GRIN3B: variants seen among roughly 807,000 people sequenced by gnomAD.
The protein encoded by GRIN3B is glutamate ionotropic receptor NMDA type subunit 3B, also known as glutamate receptor ionotropic, NMDA 3B.
In GRIN3B, 77 loss-of-function variants were observed where a neutral mutation model predicts 66.0. The ratio of observed to expected loss-of-function variants is 1.17; its 90% CI spans 0.97 to 1.41. The LOEUF (loss-of-function observed/expected upper bound fraction) is 1.41, where lower values mean the gene tolerates loss of function less well. Ranked by LOEUF, GRIN3B falls within the 40% of genes most tolerant of loss-of-function variation. GRIN3B has a pLI of 0.00. For missense variants in GRIN3B, 1,787 were observed against 1,564.5 expected, an observed-to-expected ratio of 1.14 and a Z score of -2.40; for synonymous variants, 823 against 749.7, an observed-to-expected ratio of 1.10 and a Z score of -1.60.
chr19:1,008,623 G>A lies in GRIN3B; in HGVS notation c.2472G>A (p.Leu824=). The change falls in exon 7 of 9, where the codon CTG becomes CTA. Residue 824 remains leucine, a synonymous_variant. Transcript: ENST00000234389. ...GKRVFAVTET[L]QMSIYHFAGL... ...TCCTGCTGTGTTGCCCCCAGACCCT[G>A]CAGATGAGCATCTACCACTTCGCGG... 1.9e-6 allele frequency: 3 copies of A among 1,598,282 alleles called. No individual in the cohort carries two copies. The highest frequency in any genetic ancestry group is 2.5e-6 in the Non-Finnish European group (3 of 1,178,304).
chr19:1,007,927 C>T lies in GRIN3B; in HGVS notation c.2270C>T (p.Ala757Val). The T allele has an allele frequency of 6.2e-7, 1 of 1,612,102 alleles. No homozygotes were observed. The highest frequency in any genetic ancestry group is 2.2e-5 in the East Asian group (1 of 44,860). ...SLLDYEVSID[A>V]DCKLLTVGKP... ...CTGGACTACGAGGTCTCCATCGACGCCGACTGCAAACTGCTGACCGTGGGA... is the reference window on the plus strand; with the variant it reads ...CTGGACTACGAGGTCTCCATCGACGTCGACTGCAAACTGCTGACCGTGGGA... The change falls in exon 5 of 9, where the codon GCC becomes GTC. Residue 757 changes from alanine (A) to valine (V), a missense_variant. Coordinates refer to ENST00000234389, the MANE Select transcript of GRIN3B (RefSeq NM_138690.3). The surrounding 1 kb of genome is among the most constrained non-coding windows in gnomAD (Gnocchi z 4.4).
rs2038741499 is a variant in GRIN3B, at chr19:1,005,665, ACT to A, written c.2052+115_2052+116del. 1 of 770,078 alleles carries A rather than the reference ACT, an allele frequency of 1.3e-6. No homozygotes were observed. Among genetic ancestry groups the A allele is most frequent in the South Asian group, 1.9e-5 (1 of 52,978 alleles). The allele number at this position is 770,078 out of a possible 1,614,324, so 47.7% of individuals were successfully genotyped here. A position where few individuals can be genotyped will look rare whatever the true frequency, so the allele number is the denominator to read the frequency against. On this transcript the variant is annotated intron_variant, in intron 3 of 8. Coordinates refer to ENST00000234389, the MANE Select transcript of GRIN3B (RefSeq NM_138690.3). This position sits in a 1 kb window ranked among gnomAD's most constrained non-coding sequence, Gnocchi z 5.2. ...GACGTGGAGGACGTCCACTAGGCCA[ACT>A]CTGGTCCCAAGAGACATTTATTCAA...
rs145692590 is a variant in GRIN3B at position 1,008,269 on chromosome 19, A to G, written c.2444A>G (p.Lys815Arg). 9.6e-6 allele frequency: 13 copies of G among 1,352,824 alleles called. No homozygotes were observed. In the African/African-American group the frequency reaches 2.1e-4, roughly 21 times the overall value. 83.8% of individuals were successfully genotyped at this position (1,352,824 alleles called of 1,614,324 possible). The change falls in exon 6 of 9, where the codon AAG becomes AGG. Residue 815 changes from lysine to arginine, a missense_variant. Lys to Arg is a conservative substitution (Grantham distance 26). Transcript: ENST00000234389. ...TGGTACAAGATGGTGCCTTGCGGCA[A>G]GCGGGTCTTTGCGGTTACAGAGGTG... Reference protein sequence around the residue: ...DKWYKMVPCGKRVFAVTETLQ... With the variant: ...DKWYKMVPCGRRVFAVTETLQ...
At chr19:1,008,963 C>T (rs1168136474) in intron 8 of GRIN3B, 36 bp downstream of exon 8, 7 of 1,564,992 alleles carry the variant, frequency 4.5e-6, no homozygotes, top group African/African-American at 1.4e-5. Flanking sequence ...GATGCAGGAC[C>T]ACCCAGACCC....
Position 1,000,883 on chromosome 19 carries a change from TC to T in GRIN3B, c.426+21del. 7.3e-7 allele frequency: 1 copy of T among 1,370,444 alleles called. No homozygotes were observed. The highest frequency in any genetic ancestry group is 1.6e-5 in the South Asian group (1 of 62,090). 84.9% of individuals were successfully genotyped at this position (1,370,444 alleles called of 1,614,324 possible). Reference sequence around the variant, plus strand: ...GCCCCGGTACGCGGGACGCCCGGAGTCAGGACGAGGGGGACCCGGGGCGGGA... The same window carrying T: ...GCCCCGGTACGCGGGACGCCCGGAGTAGGACGAGGGGGACCCGGGGCGGGA... On this transcript the variant is annotated intron_variant, in intron 1 of 8. Coordinates refer to ENST00000234389, the MANE Select transcript of GRIN3B (RefSeq NM_138690.3).
chr19:1,002,477 A>T (rs2038694171), intron 1 of GRIN3B, among the ~76,000 whole-genome samples: 1 of 151,962 alleles, frequency 6.6e-6, no homozygotes, highest in Non-Finnish European at 1.5e-5. Context: ...AAAAAAAAAA[A>T]AAAAAAATCC....
chr19:1,003,191 T>C lies in GRIN3B; in HGVS notation c.488T>C (p.Val163Ala), dbSNP rs2038700871. ...CTGGAGACGCTGCTGGATGTGCTGG[T>C]GGCGGTGCTGCAGGCGCACGCCTGG... ...SPLETLLDVLVAVLQAHAWED... is the reference protein window; with the variant it reads ...SPLETLLDVLAAVLQAHAWED... The change falls in exon 2 of 9, where the codon GTG becomes GCG. Residue 163 changes from valine (V) to alanine (A), a missense_variant. Coordinates refer to ENST00000234389, the MANE Select transcript of GRIN3B (RefSeq NM_138690.3). The C allele has an allele frequency of 1.3e-6, 2 of 1,523,446 alleles. No individual in the cohort carries two copies. Among genetic ancestry groups the C allele is most frequent in the Non-Finnish European group, 1.8e-6 (2 of 1,137,886 alleles). 94.4% of individuals were successfully genotyped at this position (1,523,446 alleles called of 1,614,324 possible).
At position 1,003,737 on chromosome 19, in the gene GRIN3B, T is replaced by G. The variant is rs1425840668; in HGVS notation, c.1019+15T>G. 3 of 1,394,700 alleles carry G rather than the reference T, an allele frequency of 2.2e-6. No homozygotes were observed. Among genetic ancestry groups the G allele is most frequent in the African/African-American group, 3.1e-5 (2 of 65,278 alleles). The allele number at this position is 1,394,700 out of a possible 1,614,324, so 86.4% of individuals were successfully genotyped here. A position where few individuals can be genotyped will look rare whatever the true frequency, so the allele number is the denominator to read the frequency against. On this transcript the variant is annotated intron_variant, in intron 2 of 8. Transcript: ENST00000234389. ...TTCTTGGCACGGTGAGTGGGGACCC[T>G]GCTTCCCTTAGGAGGGTGTCCAGGC...
chr19:1,008,632 C>A lies in GRIN3B; in HGVS notation c.2481C>A (p.Ser827Arg). 6.2e-7 allele frequency: 1 copy of A among 1,600,170 alleles called. No individual in the cohort carries two copies. Among genetic ancestry groups the A allele is most frequent in the Non-Finnish European group, 8.5e-7 (1 of 1,179,218 alleles). ...GTTGCCCCCAGACCCTGCAGATGAG[C>A]ATCTACCACTTCGCGGGCCTCTTCG... ...VFAVTETLQMSIYHFAGLFVL... is the reference protein window; with the variant it reads ...VFAVTETLQMRIYHFAGLFVL... Residue 827 changes from serine to arginine, a missense_variant, in exon 7 of 9, where the codon AGC (serine) becomes AGA (arginine). Transcript: ENST00000234389.
chr19:1,003,376 C>A lies in GRIN3B; in HGVS notation c.673C>A (p.Pro225Thr). 6.4e-7 allele frequency: 1 copy of A among 1,569,534 alleles called. No individual in the cohort carries two copies. The highest frequency in any genetic ancestry group is 1.2e-5 in the South Asian group (1 of 86,298). ...LRARLAPMAA[P>T]VGGEAPVPAA... The stretch of plus-strand genomic sequence containing the variant: ...GGCACGCCTGGCCCCGATGGCGGCG[C>A]CAGTGGGGGGTGAAGCACCGGTACC... Residue 225 changes from proline to threonine, a missense_variant, in exon 2 of 9, where the codon CCA becomes ACA. Transcript: ENST00000234389.
chr19:1,008,834 A>C lies in GRIN3B; in HGVS notation c.2632-23A>C, dbSNP rs754769503. 9.4e-6 allele frequency: 15 copies of C among 1,597,662 alleles called. No individual in the cohort carries two copies. The African/African-American group carries it at 2.0e-4, about 22-fold the overall frequency. ...CCCCACCCCCCCCGCCTCCTCGCCA[A>C]CCGGGTCTGTCTGGGGTCTTAGAAA... On this transcript the variant is annotated intron_variant, in intron 7 of 8. Coordinates refer to ENST00000234389, the MANE Select transcript of GRIN3B (RefSeq NM_138690.3).
intron 3 of GRIN3B, among the ~76,000 whole-genome samples, chr19:1,006,086 G>A (rs1271827135): frequency 6.6e-6 from 1 of 152,228 alleles, no homozygotes; most frequent in Non-Finnish European, 1.5e-5. Context: ...CGGGGCTCAA[G>A]CAGTTCTCCC....
In GRIN3B at chr19:1,009,653, C is replaced by T. The variant is rs562490014; in HGVS notation, c.*51C>T. ...AAGACACACACACAGCGCAGTGAGC[C>T]GCTGTCAACAGACAGTTTATTCTAT... On this transcript the variant is annotated 3_prime_UTR_variant, in exon 9 of 9. Coordinates refer to ENST00000234389, the MANE Select transcript of GRIN3B (RefSeq NM_138690.3). 1.4e-5 allele frequency: 18 copies of T among 1,313,120 alleles called. No homozygotes were observed. In the Admixed American group the frequency reaches 4.3e-4, roughly 31 times the overall value. The allele number at this position is 1,313,120 out of a possible 1,614,324, so 81.3% of individuals were successfully genotyped here.
chr19:1,008,131 C>G lies in GRIN3B; in HGVS notation c.2315-9C>G, dbSNP rs11882634. On this transcript the variant is annotated splice_polypyrimidine_tract_variant and intron_variant, in intron 5 of 8. Transcript: ENST00000234389. Reference sequence around the variant, plus strand: ...CACCTGGCCCCACCGCCTGGCCCCGCGCCCCCAGGCTATGGGATCGGACTG... The same window carrying G: ...CACCTGGCCCCACCGCCTGGCCCCGGGCCCCCAGGCTATGGGATCGGACTG... The G allele has an allele frequency of 6.3e-7, 1 of 1,584,732 alleles. No individual in the cohort carries two copies. Among genetic ancestry groups the G allele is most frequent in the Non-Finnish European group, 8.6e-7 (1 of 1,165,612 alleles).
At position 1,007,730 on chromosome 19, in the gene GRIN3B, C is replaced by A; in HGVS notation, c.2155C>A (p.Arg719Ser). 5 of 1,526,860 alleles carry A rather than the reference C, an allele frequency of 3.3e-6. No homozygotes were observed. The highest frequency in any genetic ancestry group is 4.4e-6 in the Non-Finnish European group (5 of 1,138,414). 94.6% of individuals were successfully genotyped at this position (1,526,860 alleles called of 1,614,324 possible). A position where few individuals can be genotyped will look rare whatever the true frequency, so the allele number is the denominator to read the frequency against. ...CCCCGACATGCACGCACACATGCGG[C>A]GCCACAGCGCGCCCACCACGCCCCG... ...SFPDMHAHMR[R>S]HSAPTTPRGV... is the part of the protein sequence containing the mutation. The change falls in exon 4 of 9, where the codon CGC becomes AGC. Residue 719 changes from arginine (R) to serine (S), a missense_variant. By Grantham distance (110) the Arg-to-Ser change is moderately radical. Coordinates refer to ENST00000234389, the MANE Select transcript of GRIN3B (RefSeq NM_138690.3). The surrounding 1 kb of genome is among the most constrained non-coding windows in gnomAD (Gnocchi z 4.4).
Position 1,007,801 on chromosome 19 carries a change from G to C in GRIN3B, c.2198+28G>C. On this transcript the variant is annotated intron_variant, in intron 4 of 8. Coordinates refer to ENST00000234389, the MANE Select transcript of GRIN3B (RefSeq NM_138690.3). The surrounding 1 kb of genome is among the most constrained non-coding windows in gnomAD (Gnocchi z 4.4). ...GAGCCCGGGCGCGGGGTGAGGCGGG[G>C]GCGGGGCGTGGGGTGGGCGGGGCGA... The C allele has an allele frequency of 3.3e-6, 5 of 1,517,474 alleles. No homozygotes were observed. Among genetic ancestry groups the C allele is most frequent in the Non-Finnish European group, 4.4e-6 (5 of 1,132,002 alleles). The allele number at this position is 1,517,474 out of a possible 1,614,324, so 94.0% of individuals were successfully genotyped here.
chr19:1,007,792 T>G lies in GRIN3B; in HGVS notation c.2198+19T>G. 2 of 1,508,728 alleles carry G rather than the reference T, an allele frequency of 1.3e-6. No individual in the cohort carries two copies. Among genetic ancestry groups the G allele is most frequent in the Non-Finnish European group, 1.8e-6 (2 of 1,129,320 alleles). 93.5% of individuals were successfully genotyped at this position (1,508,728 alleles called of 1,614,324 possible). A position where few individuals can be genotyped will look rare whatever the true frequency, so the allele number is the denominator to read the frequency against. On this transcript the variant is annotated intron_variant, in intron 4 of 8. Coordinates refer to ENST00000234389, the MANE Select transcript of GRIN3B (RefSeq NM_138690.3). The surrounding 1 kb of genome is among the most constrained non-coding windows in gnomAD (Gnocchi z 4.4). The stretch of plus-strand genomic sequence containing the variant: ...TGCTCACGTGAGCCCGGGCGCGGGG[T>G]GAGGCGGGGGCGGGGCGTGGGGTGG...
chr19:1,003,796 G>A, intron 2 of GRIN3B, 74 bp downstream of exon 2: 1 of 1,170,982 alleles, frequency 8.5e-7, no homozygotes, highest in Non-Finnish European at 1.1e-6. Flanking sequence ...ATCACAAAAG[G>A]CAACGTGAGG....
Position 1,003,313 on chromosome 19 carries a change from G to T in GRIN3B, c.610G>T (p.Asp204Tyr). 1 of 1,574,458 alleles carries T rather than the reference G, an allele frequency of 6.4e-7. No individual in the cohort carries two copies. The highest frequency in any genetic ancestry group is 8.6e-7 in the Non-Finnish European group (1 of 1,162,566). Residue 204 changes from aspartate (D) to tyrosine (Y), a missense_variant, in exon 2 of 9, where the codon GAC becomes TAC. Transcript: ENST00000234389. ...RAGRPPQLVL[D>Y]LSRRDTGDAG... ...TGGCCGGCCCCCACAGCTGGTCCTGGACCTAAGCCGGCGGGACACGGGAGA... is the reference window on the plus strand; with the variant it reads ...TGGCCGGCCCCCACAGCTGGTCCTGTACCTAAGCCGGCGGGACACGGGAGA...
Sources: gnomAD v4.1 joint callset for allele counts (sites outside exome capture counted in the v4.1 genomes callset) on GRCh38, gnomAD v4.1.1 for gene constraint, Gnocchi (gnomAD v3.1) non-coding constraint, MANE v1.5 for transcripts, NCBI Gene and HGNC (gene_info 2026-07-23, HGNC 2026-07-21) for gene names.